TP53I3: variants seen among roughly 807,000 people sequenced by gnomAD.
The protein encoded by TP53I3 is quinone oxidoreductase PIG3.
A neutral mutation model predicts 27.7 loss-of-function variants in TP53I3; 32 were observed. The observed-to-expected ratio is 1.16, with a 90% CI of 0.87 to 1.55. TP53I3 has a LOEUF of 1.55. TP53I3 is among the 40% of genes most tolerant of loss of function. TP53I3 has a pLI of 0.00. For synonymous variants in TP53I3, 138 were observed against 167.8 expected (o/e 0.82, Z 1.37); for missense variants, 372 against 412.3 (o/e 0.90, Z 0.85).
chr2:24,077,500 G>T lies in TP53I3; in HGVS notation c.*79C>A. ...TCTGGAGGAAGCACCGGGTTTCTTG[G>T]CCTGTCTATTGTGAATCTTCTCCAG... On this transcript the variant is annotated 3_prime_UTR_variant, in exon 5 of 5. Transcript: ENST00000238721. This position sits in a 1 kb window ranked among gnomAD's most constrained non-coding sequence, Gnocchi z 5.5. The T allele has an allele frequency of 6.9e-7, 1 of 1,455,430 alleles. No homozygotes were observed. The highest frequency in any genetic ancestry group is 9.2e-7 in the Non-Finnish European group (1 of 1,089,144). 90.2% of individuals were successfully genotyped at this position (1,455,430 alleles called of 1,614,324 possible).
chr2:24,082,920 G>A lies in TP53I3; in HGVS notation c.371C>T (p.Ala124Val). Residue 124 changes from alanine (A) to valine (V), a missense_variant, in exon 2 of 5, where the codon GCC (alanine) becomes GTC (valine). Coordinates refer to ENST00000238721, the MANE Select transcript of TP53I3 (RefSeq NM_004881.5). ...TLTQAAAIPE[A>V]WLTAFQLLHL... ...TAACAGCTGGAAGGCGGTGAGCCAGGCCTCTGGGATGGCTGCAGCCTGGGT... is the reference window on the plus strand; with the variant it reads ...TAACAGCTGGAAGGCGGTGAGCCAGACCTCTGGGATGGCTGCAGCCTGGGT... The A allele has an allele frequency of 1.2e-6, 2 of 1,612,448 alleles. No homozygotes were observed. Among genetic ancestry groups the A allele is most frequent in the Non-Finnish European group, 1.7e-6 (2 of 1,179,448 alleles).
rs771477049 is a variant in TP53I3, at chr2:24,084,145, G to C, written c.138+44C>G. On this transcript the variant is annotated intron_variant, in intron 1 of 4. Coordinates refer to ENST00000238721, the MANE Select transcript of TP53I3 (RefSeq NM_004881.5). The surrounding 1 kb of genome is among the most constrained non-coding windows in gnomAD (Gnocchi z 8.4). ...TCCACTGAGTGCTGTTGAGAGGGAG[G>C]CTCTGGAGTCCCGCCCGCCCCGGCG... The C allele has an allele frequency of 1.3e-6, 2 of 1,577,168 alleles. No individual in the cohort carries two copies. The highest frequency in any genetic ancestry group is 2.2e-5 in the East Asian group (1 of 44,586).
At chr2:24,083,698 A>G (rs1237677056) in intron 1 of TP53I3, among the ~76,000 whole-genome samples, 1 of 152,156 alleles carries the variant, frequency 6.6e-6, no homozygotes, top group Non-Finnish European at 1.5e-5. Flanking sequence ...TCAGCATCAG[A>G]CAGAAGAAAA....
At position 24,079,638 on chromosome 2, in the gene TP53I3, C is replaced by T; in HGVS notation, c.622G>A (p.Ala208Thr). 1.2e-6 allele frequency: 2 copies of T among 1,613,574 alleles called. No individual in the cohort carries two copies. Among genetic ancestry groups the T allele is most frequent in the African/African-American group, 1.3e-5 (1 of 75,016 alleles). ...CAGTCTAGAATAAGATTAACTCCAG[C>T]ACCTTCCATAGGAAACAGATTTGTG... is the stretch of plus-strand genomic sequence containing the variant. Reference protein sequence around the residue: ...SEATLKFTKGAGVNLILDCIG... With the variant: ...SEATLKFTKGTGVNLILDCIG... Residue 208 changes from alanine to threonine, a missense_variant and splice_region_variant, in exon 4 of 5, where the codon GCT (alanine) becomes ACT (threonine). By Grantham distance (58) the Ala-to-Thr change is moderately conservative. Coordinates refer to ENST00000238721, the MANE Select transcript of TP53I3 (RefSeq NM_004881.5).
At position 24,084,039 on chromosome 2, in the gene TP53I3, G is replaced by C. The variant is rs35814067; in HGVS notation, c.138+150C>G. On this transcript the variant is annotated intron_variant, in intron 1 of 4. Coordinates refer to ENST00000238721, the MANE Select transcript of TP53I3 (RefSeq NM_004881.5). The surrounding 1 kb of genome is among the most constrained non-coding windows in gnomAD (Gnocchi z 8.4). ...CTTGTTTTGCATGAACAAAGAGGGC[G>C]CCCTGGGTTTAGGTCTGGGAAGCCC... 1 of 1,259,104 alleles carries C rather than the reference G, an allele frequency of 7.9e-7. No individual in the cohort carries two copies. The highest frequency in any genetic ancestry group is 1.1e-6 in the Non-Finnish European group (1 of 943,420). 78.0% of individuals were successfully genotyped at this position (1,259,104 alleles called of 1,614,324 possible).
chr2:24,084,609 C>A lies in TP53I3; in HGVS notation c.-283G>T. The A allele has an allele frequency of 2.6e-6, 1 of 384,216 alleles. No homozygotes were observed. Among genetic ancestry groups the A allele is most frequent in the Non-Finnish European group, 4.7e-6 (1 of 214,054 alleles). 23.8% of individuals were successfully genotyped at this position (384,216 alleles called of 1,614,324 possible). ...ATGGGAACGGCGGGAAGTGGGATGG[C>A]GGTACAGGGCTGGATGCGGCAGAGC... On this transcript the variant is annotated 5_prime_UTR_variant, in exon 1 of 5. Transcript: ENST00000238721. This position sits in a 1 kb window ranked among gnomAD's most constrained non-coding sequence, Gnocchi z 8.4.
Position 24,084,447 on chromosome 2 carries a change from A to G in TP53I3, c.-121T>C. 5 of 1,290,184 alleles carry G rather than the reference A, an allele frequency of 3.9e-6. No homozygotes were observed. Among genetic ancestry groups the G allele is most frequent in the Non-Finnish European group, 5.1e-6 (5 of 983,488 alleles). 79.9% of individuals were successfully genotyped at this position (1,290,184 alleles called of 1,614,324 possible). A position where few individuals can be genotyped will look rare whatever the true frequency, so the allele number is the denominator to read the frequency against. ...CCGCTGTATCCTCGCGGAGCAGCCC[A>G]GCCTCAGGCTGGCACCGCAGCGCCC... On this transcript the variant is annotated 5_prime_UTR_variant, in exon 1 of 5. Coordinates refer to ENST00000238721, the MANE Select transcript of TP53I3 (RefSeq NM_004881.5). This position sits in a 1 kb window ranked among gnomAD's most constrained non-coding sequence, Gnocchi z 8.4.
chr2:24,079,438 A>G lies in TP53I3; in HGVS notation c.816+6T>C. 1.2e-6 allele frequency: 2 copies of G among 1,613,366 alleles called. No individual in the cohort carries two copies. The highest frequency in any genetic ancestry group is 1.7e-6 in the Non-Finnish European group (2 of 1,179,630). On this transcript the variant is annotated splice_donor_region_variant and intron_variant, in intron 4 of 4. Coordinates refer to ENST00000238721, the MANE Select transcript of TP53I3 (RefSeq NM_004881.5). The stretch of plus-strand genomic sequence containing the variant: ...ATCACATGTTTTCTTTTCATTCATC[A>G]CTCACCTTATTGTCCCTAGACCTCA...
chr2:24,084,628 G>T lies in TP53I3; in HGVS notation c.-302C>A. 3.0e-6 allele frequency: 1 copy of T among 335,172 alleles called. No individual in the cohort carries two copies. The allele number at this position is 335,172 out of a possible 1,614,324, so 20.8% of individuals were successfully genotyped here. On this transcript the variant is annotated 5_prime_UTR_variant, in exon 1 of 5. Coordinates refer to ENST00000238721, the MANE Select transcript of TP53I3 (RefSeq NM_004881.5). The surrounding 1 kb of genome is among the most constrained non-coding windows in gnomAD (Gnocchi z 8.4). ...GGATGGCGGTACAGGGCTGGATGCG[G>T]CAGAGCAGGACAACGCCGAAGAGGA...
At chr2:24,078,075 C>A (rs1454755382) in intron 4 of TP53I3, among the ~76,000 whole-genome samples, 1 of 152,116 alleles carries the variant, frequency 6.6e-6, no homozygotes, top group Non-Finnish European at 1.5e-5. Flanking sequence ...GGGGTACCCT[C>A]CCCATACTAG....
In TP53I3 at chr2:24,084,345, G is replaced by GCAGGGCAGGGCAGGA. The variant is rs1665159734; in HGVS notation, c.-34_-20dup. ...CTAACATATTGTCTGAGGACACAGGGCAGGGCAGGGCAGGACAGGACAGGG... is the reference window on the plus strand; with the variant it reads ...CTAACATATTGTCTGAGGACACAGGGCAGGGCAGGGCAGGACAGGGCAGGGCAGGACAGGACAGGG... On this transcript the variant is annotated 5_prime_UTR_variant, in exon 1 of 5. Transcript: ENST00000238721. This position sits in a 1 kb window ranked among gnomAD's most constrained non-coding sequence, Gnocchi z 8.4. 7.1e-7 allele frequency: 1 copy of GCAGGGCAGGGCAGGA among 1,406,778 alleles called. No individual in the cohort carries two copies. The highest frequency in any genetic ancestry group is 1.4e-5 in the African/African-American group (1 of 69,622). The allele number at this position is 1,406,778 out of a possible 1,614,324, so 87.1% of individuals were successfully genotyped here.
In TP53I3 at chr2:24,082,961, T is replaced by C. The variant is rs1346757105; in HGVS notation, c.330A>G (p.Pro110=). The C allele has an allele frequency of 3.7e-6, 6 of 1,613,974 alleles. No individual in the cohort carries two copies. Among genetic ancestry groups the C allele is most frequent in the Non-Finnish European group, 5.1e-6 (6 of 1,180,024 alleles). ...CAGCCTGGGTCAGGGTCAATCCCTC[T>C]GGGATAGGCATGAGGAGCCCTTCGG... The part of the protein sequence containing the change: ...TVPEGLLMPI[P]EGLTLTQAAA... The change falls in exon 2 of 5, where the codon CCA becomes CCG. Residue 110 remains proline, a synonymous_variant. Coordinates refer to ENST00000238721, the MANE Select transcript of TP53I3 (RefSeq NM_004881.5).
At position 24,084,360 on chromosome 2, in the gene TP53I3, A is replaced by G. The variant is rs376092956; in HGVS notation, c.-34T>C. Reference sequence around the variant, plus strand: ...AGGACACAGGGCAGGGCAGGGCAGGACAGGACAGGGCAGGGCAGGGCAGGA... The same window carrying G: ...AGGACACAGGGCAGGGCAGGGCAGGGCAGGACAGGGCAGGGCAGGGCAGGA... On this transcript the variant is annotated 5_prime_UTR_variant, in exon 1 of 5. Transcript: ENST00000238721. This position sits in a 1 kb window ranked among gnomAD's most constrained non-coding sequence, Gnocchi z 8.4. The G allele has an allele frequency of 1.0e-4, 142 of 1,360,474 alleles. No homozygotes were observed. The South Asian group carries it at 1.2e-3, about 11-fold the overall frequency. 84.3% of individuals were successfully genotyped at this position (1,360,474 alleles called of 1,614,324 possible). A position where few individuals can be genotyped will look rare whatever the true frequency, so the allele number is the denominator to read the frequency against.
chr2:24,077,446 T>C lies in TP53I3; in HGVS notation c.*133A>G. The stretch of plus-strand genomic sequence containing the variant: ...CGCGTGCCACCCTTCCAGTTCACTC[T>C]TTATTTCCTCATATCAGCTTTAAAC... On this transcript the variant is annotated 3_prime_UTR_variant, in exon 5 of 5. Coordinates refer to ENST00000238721, the MANE Select transcript of TP53I3 (RefSeq NM_004881.5). The surrounding 1 kb of genome is among the most constrained non-coding windows in gnomAD (Gnocchi z 5.5). The C allele has an allele frequency of 8.8e-7, 1 of 1,133,672 alleles. No individual in the cohort carries two copies. The highest frequency in any genetic ancestry group is 1.2e-6 in the Non-Finnish European group (1 of 841,540). 70.2% of individuals were successfully genotyped at this position (1,133,672 alleles called of 1,614,324 possible).
chr2:24,080,847 G>A lies in TP53I3; in HGVS notation c.591C>T (p.Phe197=), dbSNP rs779438500. ...AAGFNYKKED[F]SEATLKFTKG... ...TGGTGAATTTCAGCGTTGCTTCAGA[G>A]AAATCCTCTTTTTTGTAATTGAATC... The change falls in exon 3 of 5, where the codon TTC becomes TTT. Residue 197 remains phenylalanine, a synonymous_variant. Coordinates refer to ENST00000238721, the MANE Select transcript of TP53I3 (RefSeq NM_004881.5). This position sits in a 1 kb window ranked among gnomAD's most constrained non-coding sequence, Gnocchi z 4.7. The A allele has an allele frequency of 6.2e-7, 1 of 1,614,212 alleles. No individual in the cohort carries two copies. Among genetic ancestry groups the A allele is most frequent in the East Asian group, 2.2e-5 (1 of 44,888 alleles).
intron 4 of TP53I3, among the ~76,000 whole-genome samples, chr2:24,078,162 C>T (rs1028972980): frequency 6.6e-6 from 1 of 152,146 alleles, no homozygotes; most frequent in Non-Finnish European, 1.5e-5. Flanking sequence ...GGAAGTAACC[C>T]TTATCTTCCA....
rs1222853358 is a variant in TP53I3 at position 24,080,982 on chromosome 2, AC to A, written c.455del (p.Gly152ValfsTer51). The stretch of plus-strand genomic sequence containing the variant: ...TGAGTTGGATAGCAGCTGTGCCCAC[AC>A]CACTCAGTCCTGCATGGATTAGCAC... ...DYVLIHAGLS[G>X]VGTAAIQLTR... On this transcript the variant is annotated frameshift_variant, in exon 3 of 5. Transcript: ENST00000238721. LOFTEE classifies it high-confidence loss of function. This position sits in a 1 kb window ranked among gnomAD's most constrained non-coding sequence, Gnocchi z 4.7. The A allele has an allele frequency of 4.3e-6, 7 of 1,614,098 alleles. No homozygotes were observed. The highest frequency in any genetic ancestry group is 5.9e-6 in the Non-Finnish European group (7 of 1,180,024).
At position 24,080,384 on chromosome 2, in the gene TP53I3, G is replaced by A. The variant is rs1664945898; in HGVS notation, c.619+435C>T. 1.3e-5 allele frequency among the ~76,000 whole-genome samples: 2 copies of A among 152,048 alleles called. No individual in the cohort carries two copies. Among genetic ancestry groups the A allele is most frequent in the African/African-American group, 4.8e-5 (2 of 41,398 alleles). ...AAAAAAAAGAAAGAGAAACGGAAAG[G>A]GATGAGCCAAAAATAGACACGTCTG... On this transcript the variant is annotated intron_variant, in intron 3 of 4. Coordinates refer to ENST00000238721, the MANE Select transcript of TP53I3 (RefSeq NM_004881.5). This position sits in a 1 kb window ranked among gnomAD's most constrained non-coding sequence, Gnocchi z 4.7.
chr2:24,082,068 C>T (rs547371732), intron 2 of TP53I3, among the ~76,000 whole-genome samples: 75 of 152,284 alleles, frequency 4.9e-4, no homozygotes, highest in Non-Finnish European at 6.6e-4. Flanking sequence ...GATCATGGCT[C>T]ACTGCAGCCT....
Sources: gnomAD v4.1 joint callset for allele counts (sites outside exome capture counted in the v4.1 genomes callset) on GRCh38, gnomAD v4.1.1 for gene constraint, Gnocchi (gnomAD v3.1) non-coding constraint, MANE v1.5 for transcripts, NCBI Gene and HGNC (gene_info 2026-07-23, HGNC 2026-07-21) for gene names.